Variants in SPATA17 observed in about 807,000 individuals in gnomAD.
SPATA17 encodes the protein spermatogenesis associated 17, also known as spermatogenesis-associated protein 17.
A neutral mutation model predicts 62.2 loss-of-function variants in SPATA17; 53 were observed. The ratio of observed to expected loss-of-function variants is 0.85; its 90% CI spans 0.68 to 1.07. The LOEUF (loss-of-function observed/expected upper bound fraction) is 1.07. Among genes scored for constraint, SPATA17 ranks in the 50% least tolerant of loss-of-function variants. The pLI, the probability that SPATA17 is intolerant of heterozygous loss-of-function variation, is 0.00. For synonymous variants in SPATA17, 146 were observed against 146.8 expected (o/e 0.99, Z 0.04); for missense variants, 466 against 425.5 (o/e 1.10, Z -0.84).
chr1:217,809,669 A>G (rs1324709179), intron 9 of SPATA17, among the ~76,000 whole-genome samples: 1 of 152,198 alleles, frequency 6.6e-6, no homozygotes, highest in Non-Finnish European at 1.5e-5. Flanking sequence ...AATGGCACCA[A>G]GCAATTTACG....
At chr1:217,665,741 G>A (rs570963948) in intron 3 of SPATA17, among the ~76,000 whole-genome samples, 2 of 152,138 alleles carry the variant, frequency 1.3e-5, no homozygotes, top group Admixed American at 1.3e-4. Flanking sequence ...TAACCTCTGT[G>A]GTCTAATTCC....
intron 5 of SPATA17, among the ~76,000 whole-genome samples, chr1:217,734,825 C>T (rs927708848): frequency 6.6e-6 from 1 of 152,034 alleles, no homozygotes; most frequent in African/African-American, 2.4e-5. Flanking sequence ...TATCATAGAC[C>T]ACCTCAGGGT....
intron 3 of SPATA17, among the ~76,000 whole-genome samples, chr1:217,661,961 C>T (rs372504045): frequency 3.9e-5 from 6 of 152,246 alleles, no homozygotes; most frequent in African/African-American, 1.4e-4. Context: ...TTACTCCATT[C>T]GTTTCATAAA....
chr1:217,736,799 T>G (rs1202167177), intron 5 of SPATA17, among the ~76,000 whole-genome samples: 1 of 152,228 alleles, frequency 6.6e-6, no homozygotes, highest in African/African-American at 2.4e-5. Context: ...AATTATTTAC[T>G]TGCTCAGAAA....
intron 9 of SPATA17, among the ~76,000 whole-genome samples, chr1:217,839,569 T>G (rs1675342306): frequency 6.6e-6 from 1 of 152,132 alleles, no homozygotes; most frequent in Non-Finnish European, 1.5e-5. Flanking sequence ...TTGCAAACTC[T>G]AGTTTATAAA....
At chr1:217,792,225 T>C (rs1161390218) in intron 8 of SPATA17, among the ~76,000 whole-genome samples, 1 of 152,148 alleles carries the variant, frequency 6.6e-6, no homozygotes, top group Non-Finnish European at 1.5e-5. Context: ...GATGGTGTGG[T>C]CAGAGGCACA....
intron 9 of SPATA17, chr1:217,850,779 G>C (rs550697776): frequency 5.4e-6 from 3 of 560,620 alleles, no homozygotes; most frequent in Middle Eastern, 5.5e-4. Context: ...ATGTATATTT[G>C]AATGTGGTAG....
At chr1:217,705,917 G>T (rs1267696131) in intron 5 of SPATA17, among the ~76,000 whole-genome samples, 3 of 152,310 alleles carry the variant, frequency 2.0e-5, no homozygotes, top group African/African-American at 7.2e-5. Context: ...GTGTAAGGAA[G>T]AGGTTCAGTT....
intron 5 of SPATA17, among the ~76,000 whole-genome samples, chr1:217,687,806 G>C (rs1332353688): frequency 1.3e-5 from 2 of 152,212 alleles, no homozygotes; most frequent in South Asian, 2.1e-4. Context: ...TTCTCTTAAA[G>C]GCAAATGAAT....
At chr1:217,860,991 G>C (rs1033262134) in intron 9 of SPATA17, among the ~76,000 whole-genome samples, 1 of 151,562 alleles carries the variant, frequency 6.6e-6, no homozygotes, top group African/African-American at 2.4e-5. Context: ...TTTCTGTAGC[G>C]ATTGTTCTAG....
At chr1:217,684,726 C>A (rs1671176478) in intron 5 of SPATA17, among the ~76,000 whole-genome samples, 1 of 152,104 alleles carries the variant, frequency 6.6e-6, no homozygotes, top group Non-Finnish European at 1.5e-5. Context: ...CCTTATTTTA[C>A]TCTTTAAAGT....
intron 4 of SPATA17, among the ~76,000 whole-genome samples, chr1:217,670,080 G>A (rs1670798514): frequency 6.6e-6 from 1 of 152,120 alleles, no homozygotes; most frequent in Non-Finnish European, 1.5e-5. Flanking sequence ...GCCTTTCTCA[G>A]TAATATTCAT....
chr1:217,804,034 A>G (rs1674375428), intron 9 of SPATA17, among the ~76,000 whole-genome samples: 2 of 151,878 alleles, frequency 1.3e-5, no homozygotes, highest in South Asian at 4.2e-4. Flanking sequence ...AAAAAAAAAA[A>G]GAAGAAGAAA....
chr1:217,696,504 A>G (rs12082296), intron 5 of SPATA17, among the ~76,000 whole-genome samples: 6,080 of 152,282 alleles, frequency 0.04, 371 homozygotes, highest in African/African-American at 0.14. Flanking sequence ...GTTCCTATTC[A>G]GCCATCTTGG....
In SPATA17 at chr1:217,700,452, T is replaced by G. The variant is rs147621894; in HGVS notation, c.395+17091T>G. Among the ~76,000 whole-genome samples the G allele has an allele frequency of 7.7e-4, 117 of 152,348 alleles. 1 individual carries two copies. Among genetic ancestry groups the G allele is most frequent in the African/African-American group, 2.7e-3 (113 of 41,576 alleles). On this transcript the variant is annotated intron_variant, in intron 5 of 10. Coordinates refer to ENST00000366933, the MANE Select transcript of SPATA17 (RefSeq NM_138796.4). ...TTTAGTTCTGATAGATATCTTATTT[T>G]CTTGAAAGTATTTTCAGTATTTATG...
Position 217,632,202 on chromosome 1 carries a change from AT to A in SPATA17, c.68+757del, listed in dbSNP as rs547407495. Among the ~76,000 whole-genome samples, 626 of 152,012 alleles carry A rather than the reference AT, an allele frequency of 4.1e-3. 5 individuals carry two copies. The highest frequency in any genetic ancestry group is 0.014 in the African/African-American group (601 of 41,462). ...TGTCTCAATAAATAAATAAATAAAT[AT>A]AAATAAAATAAAATAAAATGAAAGT... On this transcript the variant is annotated intron_variant, in intron 1 of 10. Transcript: ENST00000366933.
intron 7 of SPATA17, among the ~76,000 whole-genome samples, chr1:217,779,396 T>C (rs1673677753): frequency 6.6e-6 from 1 of 151,920 alleles, no homozygotes; most frequent in Non-Finnish European, 1.5e-5. Flanking sequence ...TCTTCTATTA[T>C]TTATTTTCTC....
chr1:217,689,167 T>G (rs1671291414), intron 5 of SPATA17, among the ~76,000 whole-genome samples: 1 of 151,594 alleles, frequency 6.6e-6, no homozygotes, highest in African/African-American at 2.4e-5. Context: ...GCTTAAAGCT[T>G]AGTAGAGCAA....
chr1:217,739,051 T>G (rs1672572242), intron 5 of SPATA17, among the ~76,000 whole-genome samples: 1 of 152,208 alleles, frequency 6.6e-6, no homozygotes. Flanking sequence ...TTAGAATATG[T>G]AAATACTTTA....
Sources: gnomAD v4.1 joint callset for allele counts (sites outside exome capture counted in the v4.1 genomes callset) on GRCh38, gnomAD v4.1.1 for gene constraint, MANE v1.5 for transcripts, NCBI Gene and HGNC (gene_info 2026-07-23, HGNC 2026-07-21) for gene names.